PDE10A: variants seen among roughly 807,000 people sequenced by gnomAD.
The protein encoded by PDE10A is phosphodiesterase 10A, also known as cAMP and cAMP-inhibited cGMP 3',5'-cyclic phosphodiesterase 10A.
PDE10A carries 39 observed loss-of-function variants against 97.7 expected under a neutral mutation model. The observed-to-expected ratio is 0.40, with a 90% confidence interval of 0.31 to 0.52. The LOEUF (loss-of-function observed/expected upper bound fraction) is 0.52, where lower values mean the gene tolerates loss of function less well. Ranked by LOEUF, PDE10A falls within the 20% of genes least tolerant of loss-of-function variation. PDE10A has a pLI of 0.56. For synonymous variants in PDE10A, 371 were observed against 376.8 expected, an observed-to-expected ratio of 0.98 and a Z score of 0.18; for missense variants, 731 against 1,047.8, an observed-to-expected ratio of 0.70 and a Z score of 4.17.
intron 1 of PDE10A, among the ~76,000 whole-genome samples, chr6:165,633,798 T>TC (rs944313422): frequency 6.6e-6 from 1 of 150,892 alleles, no homozygotes; most frequent in African/African-American, 2.4e-5. Context: ...GGGCTAATTT[T>TC]TTTTTTTTTC....
intron 1 of PDE10A, among the ~76,000 whole-genome samples, chr6:165,829,823 C>T (rs1191699058): frequency 6.6e-6 from 1 of 152,148 alleles, no homozygotes. Context: ...TTATCAGACA[C>T]GGCTGGGCTC....
chr6:165,592,667 CATTT>C (rs1457347483), intron 1 of PDE10A, among the ~76,000 whole-genome samples: 1 of 152,112 alleles, frequency 6.6e-6, no homozygotes, highest in Non-Finnish European at 1.5e-5. Flanking sequence ...CAAAAGAAAA[CATTT>C]ATGTGGCCAA....
chr6:165,576,565 C>G lies in PDE10A; in HGVS notation c.866-32997G>C, dbSNP rs1179951614. 11 of 694,024 alleles carry G rather than the reference C, an allele frequency of 1.6e-5. No individual in the cohort carries two copies. In the East Asian group the frequency reaches 2.7e-4, roughly 17 times the overall value. 43.0% of individuals were successfully genotyped at this position (694,024 alleles called of 1,614,324 possible). A position where few individuals can be genotyped will look rare whatever the true frequency, so the allele number is the denominator to read the frequency against. ...CTAAACAAAAACAAAACAAAAAAAT[C>G]AAATAACTAACAGATAATTCTCAGC... is the stretch of plus-strand genomic sequence containing the variant. On this transcript the variant is annotated intron_variant, in intron 1 of 21. Transcript: ENST00000539869.
chr6:165,933,802 T>C (rs1462319258), intron 1 of PDE10A, among the ~76,000 whole-genome samples: 1 of 152,138 alleles, frequency 6.6e-6, no homozygotes. Context: ...TAAGGAAACA[T>C]ACAGGGAGAC....
At chr6:165,805,449 C>T (rs1170045540) in intron 1 of PDE10A, among the ~76,000 whole-genome samples, 1 of 152,130 alleles carries the variant, frequency 6.6e-6, no homozygotes, top group South Asian at 2.1e-4. Flanking sequence ...AGTGGGAAAG[C>T]CCCCAGTGGA....
chr6:165,935,087 T>C (rs1048227652), intron 1 of PDE10A, among the ~76,000 whole-genome samples: 3 of 152,148 alleles, frequency 2.0e-5, no homozygotes, highest in African/African-American at 7.2e-5. Context: ...GTGCTGGGTA[T>C]AGATTTGTAA....
At chr6:165,402,980 T>G (rs1786785138) in intron 13 of PDE10A, among the ~76,000 whole-genome samples, 1 of 152,176 alleles carries the variant, frequency 6.6e-6, no homozygotes, top group African/African-American at 2.4e-5. Context: ...ATCTAAACTC[T>G]GGAATCATCT....
At chr6:165,534,419 G>A (rs1782958100) in intron 2 of PDE10A, among the ~76,000 whole-genome samples, 1 of 151,670 alleles carries the variant, frequency 6.6e-6, no homozygotes, top group Non-Finnish European at 1.5e-5. Flanking sequence ...AAACACTGAG[G>A]AGGAGAAAAT....
chr6:165,794,307 C>T (rs1448422869), intron 1 of PDE10A, among the ~76,000 whole-genome samples: 5 of 151,684 alleles, frequency 3.3e-5, no homozygotes, highest in African/African-American at 7.3e-5. Flanking sequence ...CACTCACACA[C>T]GCTCACACAT....
intron 1 of PDE10A, among the ~76,000 whole-genome samples, chr6:165,749,418 A>G (rs1281579395): frequency 6.6e-6 from 1 of 151,774 alleles, no homozygotes; most frequent in Admixed American, 6.6e-5. Context: ...CATCACCATC[A>G]TCACCATCAC....
At chr6:165,479,207 T>C (rs919447634) in intron 3 of PDE10A, among the ~76,000 whole-genome samples, 2 of 152,118 alleles carry the variant, frequency 1.3e-5, no homozygotes, top group Non-Finnish European at 2.9e-5. Context: ...CTGATCCTAG[T>C]TCACCATTAC....
At chr6:165,845,004 G>A (rs562476368) in intron 1 of PDE10A, among the ~76,000 whole-genome samples, 3 of 152,318 alleles carry the variant, frequency 2.0e-5, no homozygotes, top group Admixed American at 6.5e-5. Flanking sequence ...CTGCCATTAT[G>A]CTTATTAGCA....
chr6:165,911,431 G>T (rs189961176), intron 1 of PDE10A, among the ~76,000 whole-genome samples: 1 of 152,090 alleles, frequency 6.6e-6, no homozygotes, highest in South Asian at 2.1e-4. Context: ...GAATTCCCCC[G>T]AACAAACTAT....
At chr6:165,459,544 GAC>G (rs1778187964) in intron 3 of PDE10A, among the ~76,000 whole-genome samples, 1 of 138,678 alleles carries the variant, frequency 7.2e-6, no homozygotes, top group Non-Finnish European at 1.5e-5. Context: ...CAGACAGACA[GAC>G]AGACAGACAG....
intron 2 of PDE10A, among the ~76,000 whole-genome samples, chr6:165,510,352 C>T (rs1170043340): frequency 6.6e-6 from 1 of 151,962 alleles, no homozygotes; most frequent in Non-Finnish European, 1.5e-5. Context: ...TATCTTAAAC[C>T]ATCCTTGCAT....
chr6:165,605,695 C>T (rs1429545979), intron 1 of PDE10A, among the ~76,000 whole-genome samples: 1 of 152,014 alleles, frequency 6.6e-6, no homozygotes, highest in Non-Finnish European at 1.5e-5. Context: ...CTGTTGAGTG[C>T]CTGTGGCTTC....
At chr6:165,497,233 T>A (rs1562521977) in intron 2 of PDE10A, among the ~76,000 whole-genome samples, 1 of 152,160 alleles carries the variant, frequency 6.6e-6, no homozygotes, top group Non-Finnish European at 1.5e-5. Flanking sequence ...TAGTATAATC[T>A]TTTGTACTTA....
chr6:165,756,948 C>A (rs192016714), intron 1 of PDE10A, among the ~76,000 whole-genome samples: 44 of 150,206 alleles, frequency 2.9e-4, no homozygotes. Flanking sequence ...TTCTCCCTGA[C>A]CCCGCTTTTT....
At chr6:165,810,770 C>T (rs556204801) in intron 1 of PDE10A, among the ~76,000 whole-genome samples, 2 of 152,248 alleles carry the variant, frequency 1.3e-5, no homozygotes, top group Admixed American at 1.3e-4. Flanking sequence ...CCACCCCTTC[C>T]CTGTTTTTGT....
Sources: allele counts gnomAD v4.1 joint callset (sites outside exome capture counted in the v4.1 genomes callset), GRCh38; gene constraint gnomAD v4.1.1; transcripts MANE v1.5; gene names NCBI Gene and HGNC (gene_info 2026-07-23, HGNC 2026-07-21).